NTM: variants seen among roughly 807,000 people sequenced by gnomAD.
NTM encodes the protein IgLON family member 2.
NTM carries 13 observed loss-of-function variants against 42.1 expected under a neutral mutation model. That is an observed-to-expected ratio of 0.31 (90% CI 0.20 to 0.49). NTM has a LOEUF of 0.49. Ranked by LOEUF, NTM falls within the 20% of genes least tolerant of loss-of-function variation. The probability of loss-of-function intolerance (pLI) is 0.99; values close to 1 mark genes in which losing one functional copy is unlikely to be tolerated. For synonymous variants in NTM, 187 were observed against 179.2 expected, an observed-to-expected ratio of 1.04 and a Z score of -0.35; for missense variants, 373 against 452.8, an observed-to-expected ratio of 0.82 and a Z score of 1.60.
intron 1 of NTM, among the ~76,000 whole-genome samples, chr11:131,481,887 G>A (rs1953638730): frequency 6.6e-6 from 1 of 152,194 alleles, no homozygotes; most frequent in African/African-American, 2.4e-5. Flanking sequence ...TGCCTTTGTA[G>A]CATGTTAAGT....
intron 1 of NTM, among the ~76,000 whole-genome samples, chr11:131,460,635 C>A (rs1372091784): frequency 1.3e-5 from 2 of 152,182 alleles, no homozygotes; most frequent in African/African-American, 4.8e-5. Flanking sequence ...TCACTGCAAC[C>A]TCTGCCTCCC....
chr11:131,604,997 A>G (rs2060820097), intron 1 of NTM, among the ~76,000 whole-genome samples: 1 of 151,878 alleles, frequency 6.6e-6, no homozygotes, highest in African/African-American at 2.4e-5. Flanking sequence ...AGGAAATGTG[A>G]GGCCTCCAAC....
At chr11:131,377,022 C>T (rs775864690) in intron 1 of NTM, among the ~76,000 whole-genome samples, 12 of 152,156 alleles carry the variant, frequency 7.9e-5, no homozygotes, top group South Asian at 2.1e-4. Flanking sequence ...TTGTCATAAA[C>T]GGAAAGCAAC....
intron 2 of NTM, among the ~76,000 whole-genome samples, chr11:132,059,057 C>A (rs933593756): frequency 6.6e-6 from 1 of 152,164 alleles, no homozygotes; most frequent in Admixed American, 6.5e-5. Context: ...CTTAAAAAAC[C>A]AATATAGACA....
intron 1 of NTM, among the ~76,000 whole-genome samples, chr11:131,801,882 A>G (rs1346999738): frequency 2.6e-5 from 4 of 152,104 alleles, no homozygotes; most frequent in African/African-American, 7.2e-5. Flanking sequence ...GGCAGCATCC[A>G]TGACCCCAGC....
At chr11:132,235,378 C>A (rs568288983) in intron 4 of NTM, among the ~76,000 whole-genome samples, 1 of 151,900 alleles carries the variant, frequency 6.6e-6, no homozygotes, top group African/African-American at 2.4e-5. Flanking sequence ...ATGTGTGTGT[C>A]CAGTCATCAC....
chr11:131,875,312 A>G (rs916581624), intron 1 of NTM, among the ~76,000 whole-genome samples: 1 of 152,212 alleles, frequency 6.6e-6, no homozygotes, highest in Non-Finnish European at 1.5e-5. Context: ...ATCACTGCTT[A>G]TAATATTTGG....
chr11:131,623,878 T>C (rs2062827952), intron 1 of NTM, among the ~76,000 whole-genome samples: 1 of 152,220 alleles, frequency 6.6e-6, no homozygotes, highest in South Asian at 2.1e-4. Flanking sequence ...AGGAAAAACC[T>C]CGGGGCTGCC....
chr11:131,380,824 T>G (rs1255653852), intron 1 of NTM, among the ~76,000 whole-genome samples: 2 of 152,200 alleles, frequency 1.3e-5, no homozygotes, highest in African/African-American at 2.4e-5. Context: ...CAACTCTTCC[T>G]TATCGTTTGC....
chr11:131,731,192 A>G (rs537097719), intron 1 of NTM, among the ~76,000 whole-genome samples: 1 of 152,232 alleles, frequency 6.6e-6, no homozygotes, highest in East Asian at 1.9e-4. Flanking sequence ...ATCTCTCCAC[A>G]TCCAATCTCT....
At chr11:131,564,622 C>G (rs2056654286) in intron 1 of NTM, among the ~76,000 whole-genome samples, 1 of 152,120 alleles carries the variant, frequency 6.6e-6, no homozygotes, top group Admixed American at 6.5e-5. Flanking sequence ...ATCATCACTA[C>G]CATCAAGGTA....
chr11:131,834,625 C>CAT (rs10604283), intron 1 of NTM, among the ~76,000 whole-genome samples: 5,933 of 133,936 alleles, frequency 0.044, 186 homozygotes, highest in Middle Eastern at 0.12. Flanking sequence ...TATACATATA[C>CAT]ATATATATAT....
At chr11:131,481,762 T>G (rs1207920593) in intron 1 of NTM, among the ~76,000 whole-genome samples, 1 of 152,178 alleles carries the variant, frequency 6.6e-6, no homozygotes, top group Admixed American at 6.5e-5. Context: ...GTACAATCTC[T>G]GCTTTTGAAA....
At chr11:132,151,965 A>G (rs2072015826) in intron 3 of NTM, among the ~76,000 whole-genome samples, 1 of 152,146 alleles carries the variant, frequency 6.6e-6, no homozygotes, top group Admixed American at 6.5e-5. Context: ...TCTCTTACCC[A>G]CTTGATATAT....
At chr11:132,012,408 G>C (rs2072409312) in intron 2 of NTM, among the ~76,000 whole-genome samples, 1 of 152,002 alleles carries the variant, frequency 6.6e-6, no homozygotes, top group Non-Finnish European at 1.5e-5. Flanking sequence ...CTTAAGCCTA[G>C]CCCATCTCCA....
At chr11:131,960,155 G>A (rs577941723) in intron 2 of NTM, among the ~76,000 whole-genome samples, 5 of 152,178 alleles carry the variant, frequency 3.3e-5, no homozygotes, top group Admixed American at 6.6e-5. Context: ...TTCAGAAGGG[G>A]CAAGTTAAGG....
At chr11:132,092,176 C>T (rs967547369) in intron 2 of NTM, among the ~76,000 whole-genome samples, 45 of 152,202 alleles carry the variant, frequency 3.0e-4, no homozygotes, top group East Asian at 1.9e-4. Flanking sequence ...AGCAATGGAA[C>T]GTGATCAAAT....
At chr11:132,263,230 G>T (rs570362287) in intron 4 of NTM, among the ~76,000 whole-genome samples, 1 of 152,310 alleles carries the variant, frequency 6.6e-6, no homozygotes, top group Admixed American at 6.5e-5. Context: ...GGGGCCATCT[G>T]GCCTGTTGAA....
At chr11:131,759,050 GAAAAT>G (rs2083738961) in intron 1 of NTM, among the ~76,000 whole-genome samples, 1 of 152,146 alleles carries the variant, frequency 6.6e-6, no homozygotes, top group Non-Finnish European at 1.5e-5. Context: ...GTCATCCAAA[GAAAAT>G]AAAGCATACA....
Sources: allele counts gnomAD v4.1 joint callset (sites outside exome capture counted in the v4.1 genomes callset), GRCh38; gene constraint gnomAD v4.1.1; transcripts MANE v1.5; gene names NCBI Gene and HGNC (gene_info 2026-07-23, HGNC 2026-07-21).